Variants in FAM180A observed in about 807,000 individuals in gnomAD.
FAM180A encodes protein FAM180A.
A neutral mutation model predicts 15.3 loss-of-function variants in FAM180A; 14 were observed. That is an observed-to-expected ratio of 0.92 (90% confidence interval 0.61 to 1.43). The LOEUF is 1.43. Among genes scored for constraint, FAM180A ranks in the 40% most tolerant of loss-of-function variants. The pLI is 0.00. For synonymous variants in FAM180A, 90 were observed against 96.8 expected, an observed-to-expected ratio of 0.93 and a Z score of 0.41; for missense variants, 200 against 220.8, an observed-to-expected ratio of 0.91 and a Z score of 0.60.
chr7:135,738,369 T>G (rs1051875980), intron 1 of FAM180A, among the ~76,000 whole-genome samples: 1 of 152,134 alleles, frequency 6.6e-6, no homozygotes, highest in African/African-American at 2.4e-5. Flanking sequence ...AATTGTTGCA[T>G]TTTTAGTAGA....
At chr7:135,730,544 AAAC>A (rs1217689269) in intron 3 of FAM180A, among the ~76,000 whole-genome samples, 1 of 152,212 alleles carries the variant, frequency 6.6e-6, no homozygotes, top group Non-Finnish European at 1.5e-5. Context: ...AACAAAAACA[AAAC>A]AAAAAAACCC....
In FAM180A at chr7:135,733,663, T is replaced by C; in HGVS notation, c.*312A>G. On this transcript the variant is annotated 3_prime_UTR_variant, in exon 3 of 4. Coordinates refer to ENST00000338588, the MANE Select transcript of FAM180A (RefSeq NM_205855.4). ...TGCCCGGCCTGTTCTCACTCTTGAG[T>C]GTGTGGCCACTGCTCTGGGTTGAAG... 1.8e-6 allele frequency: 2 copies of C among 1,118,846 alleles called. No homozygotes were observed. The highest frequency in any genetic ancestry group is 7.2e-5 in the South Asian group (2 of 27,618). The allele number at this position is 1,118,846 out of a possible 1,614,324, so 69.3% of individuals were successfully genotyped here.
chr7:135,746,115 C>T (rs776078667), intron 1 of FAM180A, among the ~76,000 whole-genome samples: 3 of 152,060 alleles, frequency 2.0e-5, no homozygotes, highest in Admixed American at 6.5e-5. Flanking sequence ...TAATCTAGCA[C>T]GTCACATCCG....
rs142103338 is a variant in FAM180A at position 135,742,196 on chromosome 7, T to G, written c.77-4997A>C. 1.8e-3 allele frequency among the ~76,000 whole-genome samples: 276 copies of G among 152,224 alleles called. 4 individuals carry two copies. The highest frequency in any genetic ancestry group is 0.01 in the Middle Eastern group (3 of 294). ...TGTGTGAGGCAAGATCTAGAGAGAA[T>G]AAACTTATCTCCACTGGAGAGGCTG... is the stretch of plus-strand genomic sequence containing the variant. On this transcript the variant is annotated intron_variant, in intron 1 of 3. Coordinates refer to ENST00000338588, the MANE Select transcript of FAM180A (RefSeq NM_205855.4).
chr7:135,734,018 C>T lies in FAM180A; in HGVS notation c.479G>A (p.Arg160Lys), dbSNP rs147619091. Residue 160 changes from arginine (R) to lysine (K), a missense_variant, in exon 3 of 4, where the codon AGG becomes AAG. By Grantham distance (26) the Arg-to-Lys change is conservative (BLOSUM62 2). Coordinates refer to ENST00000338588, the MANE Select transcript of FAM180A (RefSeq NM_205855.4). ...CTGTGAGGAGCGCATCAAGTCGTGC[C>T]TCAGGGCCTGGAAGAGGCTAACGAG... ...QSLVSLFQALRHDLMRSSQPG... is the reference protein window; with the variant it reads ...QSLVSLFQALKHDLMRSSQPG... 1.9e-5 allele frequency: 30 copies of T among 1,613,474 alleles called. No homozygotes were observed. Among genetic ancestry groups the T allele is most frequent in the Non-Finnish European group, 2.5e-5 (29 of 1,179,752 alleles).
At chr7:135,736,196 T>C (rs1366914213) in intron 2 of FAM180A, among the ~76,000 whole-genome samples, 1 of 152,014 alleles carries the variant, frequency 6.6e-6, no homozygotes, top group Non-Finnish European at 1.5e-5. Flanking sequence ...CTAATTTTTG[T>C]ATTTTTAGTA....
chr7:135,747,588 TC>T (rs1797049146), intron 1 of FAM180A, among the ~76,000 whole-genome samples: 1 of 152,068 alleles, frequency 6.6e-6, no homozygotes, highest in Non-Finnish European at 1.5e-5. Flanking sequence ...CCTGACACTG[TC>T]CTTGAGAAGC....
intron 1 of FAM180A, among the ~76,000 whole-genome samples, chr7:135,747,230 A>T (rs1157430335): frequency 6.6e-6 from 1 of 152,218 alleles, no homozygotes; most frequent in Non-Finnish European, 1.5e-5. Context: ...ACGTGCCTGT[A>T]TCAAAACATC....
At chr7:135,745,995 A>G (rs1797027383) in intron 1 of FAM180A, among the ~76,000 whole-genome samples, 1 of 151,994 alleles carries the variant, frequency 6.6e-6, no homozygotes, top group East Asian at 1.9e-4. Context: ...TTTCTTTTAT[A>G]ATTAGAAAAA....
intron 1 of FAM180A, among the ~76,000 whole-genome samples, chr7:135,737,403 A>C (rs1796887310): frequency 6.8e-6 from 1 of 147,960 alleles, no homozygotes; most frequent in Non-Finnish European, 1.5e-5. Context: ...CCTGGCCAAC[A>C]TGGTGCAACC....
intron 2 of FAM180A, among the ~76,000 whole-genome samples, chr7:135,735,108 G>A (rs905590804): frequency 6.6e-6 from 1 of 152,004 alleles, no homozygotes; most frequent in Non-Finnish European, 1.5e-5. Flanking sequence ...TCACCATGTT[G>A]GTCCGGCTGG....
intron 3 of FAM180A, 114 bp from the exon 4 acceptor site, chr7:135,730,395 T>C (rs1176929942): frequency 9.0e-6 from 2 of 221,406 alleles, no homozygotes; most frequent in Non-Finnish European, 1.5e-5. Context: ...TACAAAAAAA[T>C]TAGCAGGGCA....
intron 2 of FAM180A, 74 bp from the exon 3 acceptor site, chr7:135,734,393 C>A: frequency 2.1e-6 from 3 of 1,413,836 alleles, no homozygotes; most frequent in Non-Finnish European, 1.9e-6. Flanking sequence ...TTATCACGCA[C>A]CTTCCCTTAG....
chr7:135,747,301 TA>T (rs895190694), intron 1 of FAM180A, among the ~76,000 whole-genome samples: 140 of 151,570 alleles, frequency 9.2e-4, no homozygotes, highest in Admixed American at 2.3e-3. Flanking sequence ...AATTAAAAAT[TA>T]AAAAAAGAAA....
At chr7:135,739,944 C>A (rs1313748692) in intron 1 of FAM180A, among the ~76,000 whole-genome samples, 1 of 152,216 alleles carries the variant, frequency 6.6e-6, no homozygotes, top group African/African-American at 2.4e-5. Context: ...CAAATCCCTG[C>A]ACTAATGGTC....
intron 3 of FAM180A, among the ~76,000 whole-genome samples, chr7:135,732,749 TTGAA>T (rs1368416011): frequency 6.7e-6 from 1 of 149,484 alleles, no homozygotes; most frequent in Non-Finnish European, 1.5e-5. Flanking sequence ...ACAAGAATGT[TTGAA>T]TGATGATCTT....
chr7:135,745,750 G>A (rs377301984), intron 1 of FAM180A, among the ~76,000 whole-genome samples: 132 of 152,108 alleles, frequency 8.7e-4, no homozygotes, highest in African/African-American at 2.9e-3. Context: ...CAGGAGGGTG[G>A]GAGGATGGAC....
chr7:135,734,713 C>T lies in FAM180A; in HGVS notation c.178-394G>A, dbSNP rs1796845996. Among the ~76,000 whole-genome samples, 2 of 152,162 alleles carry T rather than the reference C, an allele frequency of 1.3e-5. 1 individual carries two copies. The highest frequency in any genetic ancestry group is 4.1e-4 in the South Asian group (2 of 4,828). On this transcript the variant is annotated intron_variant, in intron 2 of 3. Transcript: ENST00000338588. ...CAACAAAGATCATCTAAAGCATCAA[C>T]TATTTCGATAATTTTAAGGCAGAAG... is the stretch of plus-strand genomic sequence containing the variant.
At chr7:135,731,826 A>G (rs562496808) in intron 3 of FAM180A, among the ~76,000 whole-genome samples, 100 of 152,332 alleles carry the variant, frequency 6.6e-4, no homozygotes, top group African/African-American at 2.1e-3. Flanking sequence ...TGCAAAGCTT[A>G]TTTGCTCAAA....
Sources: gnomAD v4.1 joint callset for allele counts (sites outside exome capture counted in the v4.1 genomes callset) on GRCh38, gnomAD v4.1.1 for gene constraint, MANE v1.5 for transcripts, NCBI Gene and HGNC (gene_info 2026-07-23, HGNC 2026-07-21) for gene names.